BMAL2: variants seen among roughly 807,000 people sequenced by gnomAD.
The protein encoded by BMAL2 is basic helix-loop-helix ARNT like 2, also known as basic helix-loop-helix ARNT-like protein 2.
the BMAL2 span, among the ~76,000 whole-genome samples, chr12:27,394,895 G>A: frequency 6.6e-6 from 1 of 152,350 alleles, no homozygotes; most frequent in Middle Eastern, 3.4e-3. Context: ...GGCCATGTGA[G>A]CACACAACAA....
chr12:27,362,292 G>T, the BMAL2 span, among the ~76,000 whole-genome samples: 3 of 152,130 alleles, frequency 2.0e-5, no homozygotes. Context: ...AGCCATATTT[G>T]ATCTCATGTG....
At chr12:27,418,000 T>A in the BMAL2 span, 1 of 846,552 alleles carries the variant, frequency 1.2e-6, no homozygotes, top group African/African-American at 1.8e-5. Context: ...CTCAAAAAAA[T>A]AAAAAATAAA....
the BMAL2 span, chr12:27,376,504 TC>T: frequency 1.2e-6 from 1 of 813,712 alleles, no homozygotes; most frequent in East Asian, 2.6e-5. Context: ...GGCTTTTCTC[TC>T]TTGTTATGCT....
At chr12:27,347,805 G>A in the BMAL2 span, among the ~76,000 whole-genome samples, 6,691 of 152,190 alleles carry the variant, frequency 0.044, 174 homozygotes, top group Middle Eastern at 0.12. Context: ...TACTGTGCAG[G>A]AGATCTAGGA....
the BMAL2 span, among the ~76,000 whole-genome samples, chr12:27,411,859 T>A: frequency 6.6e-6 from 1 of 152,204 alleles, no homozygotes; most frequent in Non-Finnish European, 1.5e-5. Context: ...TATACTCCAA[T>A]TTATTTATTT....
At chr12:27,364,036 T>C in the BMAL2 span, among the ~76,000 whole-genome samples, 2 of 152,182 alleles carry the variant, frequency 1.3e-5, no homozygotes, top group Non-Finnish European at 2.9e-5. Context: ...CTTCATTGTC[T>C]GGTGAGGGCT....
the BMAL2 span, among the ~76,000 whole-genome samples, chr12:27,369,442 T>A: frequency 4.6e-5 from 7 of 152,304 alleles, no homozygotes; most frequent in East Asian, 1.3e-3. Context: ...CACATATAAA[T>A]GATTGGAAGG....
At chr12:27,364,921 C>A in the BMAL2 span, among the ~76,000 whole-genome samples, 2 of 152,006 alleles carry the variant, frequency 1.3e-5, no homozygotes, top group South Asian at 2.1e-4. Context: ...TTTTAAATAT[C>A]ATTGTCTTAC....
At chr12:27,369,842 A>G in the BMAL2 span, among the ~76,000 whole-genome samples, 2 of 152,188 alleles carry the variant, frequency 1.3e-5, no homozygotes, top group African/African-American at 4.8e-5. Context: ...CGAAGTACTG[A>G]CAGTATGGCA....
At chr12:27,385,164 A>G in the BMAL2 span, among the ~76,000 whole-genome samples, 1 of 152,130 alleles carries the variant, frequency 6.6e-6, no homozygotes, top group African/African-American at 2.4e-5. Flanking sequence ...AAATATAAAA[A>G]TTAGCTGGGC....
At chr12:27,350,214 C>T in the BMAL2 span, among the ~76,000 whole-genome samples, 4 of 152,228 alleles carry the variant, frequency 2.6e-5, no homozygotes, top group Non-Finnish European at 5.9e-5. Context: ...GCATTAAACA[C>T]AGCACTAACT....
the BMAL2 span, among the ~76,000 whole-genome samples, chr12:27,408,027 C>G: frequency 1.3e-5 from 2 of 152,152 alleles, no homozygotes; most frequent in Non-Finnish European, 2.9e-5. Context: ...CATACAGCCT[C>G]CCAAGACTAA....
At chr12:27,424,552 TGTC>T in the BMAL2 span, 16 of 152,232 alleles carry the variant, frequency 1.1e-4, no homozygotes, top group Admixed American at 8.5e-4. Context: ...ATGTCTTTGT[TGTC>T]ATAGTCTTTG....
the BMAL2 span, among the ~76,000 whole-genome samples, chr12:27,383,300 T>C: frequency 6.6e-6 from 1 of 152,160 alleles, no homozygotes. Context: ...AGTGTTCAAA[T>C]GGTGGGGATG....
At chr12:27,423,630 A>C in the BMAL2 span, 1 of 151,868 alleles carries the variant, frequency 6.6e-6, no homozygotes, top group African/African-American at 2.4e-5. Flanking sequence ...CGCCCGGCCT[A>C]CTCTACACTT....
chr12:27,340,444 A>G, the BMAL2 span, among the ~76,000 whole-genome samples: 3 of 152,182 alleles, frequency 2.0e-5, no homozygotes, highest in African/African-American at 4.8e-5. Context: ...TGAGCTCTCT[A>G]TTCTGTTCCA....
the BMAL2 span, among the ~76,000 whole-genome samples, chr12:27,370,874 G>A: frequency 2.0e-5 from 3 of 152,032 alleles, no homozygotes; most frequent in African/African-American, 7.2e-5. Context: ...AAAGTGCTGG[G>A]ATTATAGGCA....
At chr12:27,372,619 GT>G in the BMAL2 span, among the ~76,000 whole-genome samples, 1 of 152,270 alleles carries the variant, frequency 6.6e-6, no homozygotes, top group Admixed American at 6.5e-5. Context: ...ATTCCCATGA[GT>G]AGTGTACAAG....
the BMAL2 span, among the ~76,000 whole-genome samples, chr12:27,377,089 A>G: frequency 6.6e-6 from 1 of 151,428 alleles, no homozygotes. Context: ...CAACAATAAA[A>G]TATTTTTCTA....
Sources: allele counts gnomAD v4.1 joint callset (sites outside exome capture counted in the v4.1 genomes callset), GRCh38; gene constraint gnomAD v4.1.1; transcripts MANE v1.5; gene names NCBI Gene and HGNC (gene_info 2026-07-23, HGNC 2026-07-21).